TCERG1: variants seen among roughly 807,000 people sequenced by gnomAD.
The protein encoded by TCERG1 is TATA box binding protein (TBP)-associated factor, RNA polymerase II, S, 150kD.
A neutral mutation model predicts 144.7 loss-of-function variants in TCERG1; 37 were observed. The ratio of observed to expected loss-of-function variants is 0.26; its 90% CI spans 0.20 to 0.34. The LOEUF is 0.34. TCERG1 is among the 10% of genes least tolerant of loss of function. TCERG1 has a pLI of 1.00. For synonymous variants in TCERG1, 492 were observed against 458.2 expected (o/e 1.07, Z -0.94); for missense variants, 1,027 against 1,380.7 (o/e 0.74, Z 4.06).
At chr5:146,502,203 C>T (rs1360716371) in intron 17 of TCERG1, among the ~76,000 whole-genome samples, 9 of 152,028 alleles carry the variant, frequency 5.9e-5, no homozygotes, top group African/African-American at 1.9e-4. Context: ...TTTTAATCCT[C>T]CAGTAGGAGA....
At position 146,508,253 on chromosome 5, in the gene TCERG1, T is replaced by C. The variant is rs538568703; in HGVS notation, c.3045+297T>C. Among the ~76,000 whole-genome samples, 8 of 152,290 alleles carry C rather than the reference T, an allele frequency of 5.3e-5. No individual in the cohort carries two copies. In the East Asian group the frequency reaches 9.6e-4, roughly 18 times the overall value. Reference sequence around the variant, plus strand: ...AGTCAGGTACCACTAGACAGACATATTTAGGCTGGCAATTGGTACCAAACT... The same window carrying C: ...AGTCAGGTACCACTAGACAGACATACTTAGGCTGGCAATTGGTACCAAACT... On this transcript the variant is annotated intron_variant, in intron 21 of 22. Transcript: ENST00000679501.
In TCERG1 at chr5:146,447,371, G is replaced by C. The variant is rs768149746; in HGVS notation, c.22G>C (p.Gly8Arg). Residue 8 changes from glycine to arginine, a missense_variant, in exon 1 of 23, where the codon GGG becomes CGG. By Grantham distance (125) the Gly-to-Arg change is moderately radical. Coordinates refer to ENST00000679501, the MANE Select transcript of TCERG1 (RefSeq NM_001382548.1). ...TGTAATGGCGGAGCGTGGCGGGGAC[G>C]GGGGCGAGAGTGAACGATTCAACCC... is the stretch of plus-strand genomic sequence containing the variant. MAERGGD[G>R]GESERFNPGE... is the part of the protein sequence containing the mutation. 10 of 1,610,978 alleles carry C rather than the reference G, an allele frequency of 6.2e-6. No individual in the cohort carries two copies. Among genetic ancestry groups the C allele is most frequent in the East Asian group, 2.2e-5 (1 of 44,616 alleles).
intron 9 of TCERG1, among the ~76,000 whole-genome samples, chr5:146,474,947 G>A (rs1764694538): frequency 6.6e-6 from 1 of 152,144 alleles, no homozygotes; most frequent in East Asian, 1.9e-4. Flanking sequence ...TTGGTCTGGA[G>A]CTGAACCCAC....
chr5:146,473,297 T>G (rs577265118), intron 9 of TCERG1, among the ~76,000 whole-genome samples: 3 of 152,230 alleles, frequency 2.0e-5, no homozygotes, highest in Admixed American at 2.0e-4. Flanking sequence ...CTGCCCTCAG[T>G]TCTGTGAAGG....
At chr5:146,484,859 C>T (rs1471933818) in intron 15 of TCERG1, among the ~76,000 whole-genome samples, 1 of 152,110 alleles carries the variant, frequency 6.6e-6, no homozygotes, top group African/African-American at 2.4e-5. Context: ...TCCAAGCCAC[C>T]ATAAACAACC....
intron 1 of TCERG1, among the ~76,000 whole-genome samples, chr5:146,454,068 G>A (rs903411774): frequency 1.3e-5 from 2 of 150,790 alleles, no homozygotes; most frequent in African/African-American, 4.9e-5. Flanking sequence ...AAAATTAGCC[G>A]GGCATGGTGG....
chr5:146,478,336 TAA>T, intron 9 of TCERG1, 155 bp from the exon 10 acceptor site: 1 of 689,946 alleles, frequency 1.4e-6, no homozygotes, highest in Non-Finnish European at 2.1e-6. Flanking sequence ...AGTTATCTTG[TAA>T]AAACCATGTT....
At position 146,511,130 on chromosome 5, in the gene TCERG1, A is replaced by C. The variant is rs1016972895; in HGVS notation, c.*488A>C. 1.3e-5 allele frequency: 2 copies of C among 152,664 alleles called. No homozygotes were observed. Among genetic ancestry groups the C allele is most frequent in the African/African-American group, 4.8e-5 (2 of 41,438 alleles). The allele number at this position is 152,664 out of a possible 1,614,324, so 9.5% of individuals were successfully genotyped here. Reference sequence around the variant, plus strand: ...AGAGGCTACAATTATTATAATGGACAATACTTTTACCTTTGTCTCTAAAGA... The same window carrying C: ...AGAGGCTACAATTATTATAATGGACCATACTTTTACCTTTGTCTCTAAAGA... On this transcript the variant is annotated 3_prime_UTR_variant, in exon 23 of 23. Coordinates refer to ENST00000679501, the MANE Select transcript of TCERG1 (RefSeq NM_001382548.1).
At chr5:146,448,574 C>T (rs1234141637) in intron 1 of TCERG1, among the ~76,000 whole-genome samples, 1 of 152,152 alleles carries the variant, frequency 6.6e-6, no homozygotes, top group East Asian at 1.9e-4. Flanking sequence ...TATGAAGACT[C>T]TGTTGATACT....
chr5:146,510,192 C>G, intron 22 of TCERG1: 1 of 950,664 alleles, frequency 1.1e-6, no homozygotes, highest in Non-Finnish European at 1.5e-6. Context: ...CCCACCCACC[C>G]TCAGCCCTGA....
Position 146,481,216 on chromosome 5 carries a change from C to T in TCERG1, c.1937+16C>T. On this transcript the variant is annotated intron_variant, in intron 13 of 22. Transcript: ENST00000679501. The stretch of plus-strand genomic sequence containing the variant: ...CTCTATTTAGGTACAAAGCTAAAAG[C>T]CTGTTTTTCCTGGCTTAGTTTTTCT... The T allele has an allele frequency of 4.1e-6, 4 of 983,624 alleles. No homozygotes were observed. In the South Asian group the frequency reaches 1.9e-4, roughly 46 times the overall value. 60.9% of individuals were successfully genotyped at this position (983,624 alleles called of 1,614,324 possible). A position where few individuals can be genotyped will look rare whatever the true frequency, so the allele number is the denominator to read the frequency against.
At chr5:146,473,715 G>A (rs180673602) in intron 9 of TCERG1, among the ~76,000 whole-genome samples, 1 of 152,188 alleles carries the variant, frequency 6.6e-6, no homozygotes, top group East Asian at 1.9e-4. Flanking sequence ...TTTATAAATG[G>A]AACAGCAGAG....
intron 1 of TCERG1, among the ~76,000 whole-genome samples, 165 bp from the exon 2 acceptor site, chr5:146,454,891 C>T (rs1330481898): frequency 1.3e-5 from 2 of 152,158 alleles, no homozygotes; most frequent in Non-Finnish European, 2.9e-5. Context: ...AGCCACTGCA[C>T]CCGGCCCATT....
intron 1 of TCERG1, among the ~76,000 whole-genome samples, chr5:146,449,427 A>G (rs1285857540): frequency 6.6e-6 from 1 of 152,194 alleles, no homozygotes; most frequent in Non-Finnish European, 1.5e-5. Flanking sequence ...AACCACATCA[A>G]ATGATTAAAT....
chr5:146,494,419 A>G (rs1766699592), intron 16 of TCERG1, among the ~76,000 whole-genome samples: 1 of 152,120 alleles, frequency 6.6e-6, no homozygotes, highest in African/African-American at 2.4e-5. Context: ...CTCCAAAGAG[A>G]TTTCCCTTGG....
intron 5 of TCERG1, among the ~76,000 whole-genome samples, chr5:146,466,782 T>C (rs1437559806): frequency 1.3e-5 from 2 of 152,174 alleles, no homozygotes; most frequent in Admixed American, 1.3e-4. Context: ...TTTTTAATAA[T>C]GGTGGTTAAG....
chr5:146,455,055 G>T lies in TCERG1; in HGVS notation c.60-1G>T. ...AATTTATTCCTTGCTTTCCCATGCA[G>T]GATGGCCCAACAGCAGGCCTTGAGG... On this transcript the variant is annotated splice_acceptor_variant, in intron 1 of 22. Coordinates refer to ENST00000679501, the MANE Select transcript of TCERG1 (RefSeq NM_001382548.1). LOFTEE classifies it high-confidence loss of function. 6.2e-7 allele frequency: 1 copy of T among 1,614,144 alleles called. No individual in the cohort carries two copies.
chr5:146,463,293 A>G (rs1050575317), intron 4 of TCERG1, among the ~76,000 whole-genome samples: 4 of 152,048 alleles, frequency 2.6e-5, no homozygotes, highest in African/African-American at 4.8e-5. Context: ...AAACTTTTCT[A>G]TACCCTCTCA....
At chr5:146,463,922 A>T (rs1763553799) in intron 5 of TCERG1, 129 bp downstream of exon 5, 1 of 1,266,052 alleles carries the variant, frequency 7.9e-7, no homozygotes, top group Non-Finnish European at 1.1e-6. Flanking sequence ...TGAAAGATTC[A>T]TGGCTAACTG....
Sources: allele counts gnomAD v4.1 joint callset (sites outside exome capture counted in the v4.1 genomes callset), GRCh38; gene constraint gnomAD v4.1.1; transcripts MANE v1.5; gene names NCBI Gene and HGNC (gene_info 2026-07-23, HGNC 2026-07-21).